Variants in RAB38 observed in about 807,000 individuals in gnomAD.
RAB38 encodes RAB38, member RAS oncogene family.
RAB38 carries 15 observed loss-of-function variants against 18.4 expected under a neutral mutation model. The observed-to-expected ratio is 0.82, with a 90% confidence interval of 0.55 to 1.26. The LOEUF is 1.26. Among genes scored for constraint, RAB38 ranks in the 50% most tolerant of loss-of-function variants. RAB38 has a pLI of 0.00. For missense variants in RAB38, 294 were observed against 267.4 expected, an observed-to-expected ratio of 1.10 and a Z score of -0.69; for synonymous variants, 101 against 104.4, an observed-to-expected ratio of 0.97 and a Z score of 0.20.
chr11:88,052,950 T>C, the RAB38 span, among the ~76,000 whole-genome samples: 4 of 115,960 alleles, frequency 3.4e-5, no homozygotes, highest in South Asian at 9.8e-4. Context: ...ATATAAATTA[T>C]ATATATGATA....
the RAB38 span, among the ~76,000 whole-genome samples, chr11:88,008,353 G>A: frequency 6.6e-6 from 1 of 151,888 alleles, no homozygotes; most frequent in Non-Finnish European, 1.5e-5. Context: ...TTCCGAGAGG[G>A]GAACAAAAAA....
the RAB38 span, among the ~76,000 whole-genome samples, chr11:87,938,618 C>T: frequency 5.7e-5 from 4 of 69,712 alleles, no homozygotes; most frequent in African/African-American, 2.5e-4. Context: ...TGCTCTTTTC[C>T]GTTTTTTTTT....
chr11:87,951,185 T>C, the RAB38 span, among the ~76,000 whole-genome samples: 1 of 152,190 alleles, frequency 6.6e-6, no homozygotes, highest in African/African-American at 2.4e-5. Flanking sequence ...CATCGGCTCC[T>C]GAGGCTTCTG....
chr11:88,065,655 C>T, the RAB38 span, among the ~76,000 whole-genome samples: 2 of 152,156 alleles, frequency 1.3e-5, no homozygotes, highest in Non-Finnish European at 2.9e-5. Flanking sequence ...AATCAATTAA[C>T]CCAGCTAACA....
At chr11:87,922,889 T>G in the RAB38 span, among the ~76,000 whole-genome samples, 15 of 120,550 alleles carry the variant, frequency 1.2e-4, no homozygotes, top group African/African-American at 3.5e-4. Context: ...GGATGGGAGA[T>G]GGAAGGGGGA....
rs373675971 is a variant in RAB38 at position 88,175,299 on chromosome 11, T to C, written c.86A>G (p.Tyr29Cys). 9 of 1,614,088 alleles carry C rather than the reference T, an allele frequency of 5.6e-6. No homozygotes were observed. The highest frequency in any genetic ancestry group is 1.3e-5 in the African/African-American group (1 of 74,944). The change falls in exon 1 of 3, where the codon TAC (tyrosine) becomes TGC (cysteine). Residue 29 changes from tyrosine (Y) to cysteine (C), a missense_variant. Coordinates refer to ENST00000243662, the MANE Select transcript of RAB38 (RefSeq NM_022337.3). The part of the protein sequence containing the change: ...GVGKTSIIKR[Y>C]VHQNFSSHYR... ...GTGCGAAGAGAAGTTCTGGTGCACGTAGCGCTTGATGATACTGGTCTTCCC... is the reference window on the plus strand; with the variant it reads ...GTGCGAAGAGAAGTTCTGGTGCACGCAGCGCTTGATGATACTGGTCTTCCC...
At chr11:88,054,373 CAT>C in the RAB38 span, among the ~76,000 whole-genome samples, 1 of 152,138 alleles carries the variant, frequency 6.6e-6, no homozygotes, top group Admixed American at 6.5e-5. Flanking sequence ...AAAAATAAAA[CAT>C]GTAATACTTC....
At chr11:87,805,400 T>C in the RAB38 span, among the ~76,000 whole-genome samples, 5 of 130,710 alleles carry the variant, frequency 3.8e-5, no homozygotes, top group Admixed American at 7.4e-5. Flanking sequence ...ATCTATGTCA[T>C]TTTTTTTCCT....
chr11:88,044,918 C>T, the RAB38 span, among the ~76,000 whole-genome samples: 15,813 of 152,136 alleles, frequency 0.1, 895 homozygotes, highest in African/African-American at 0.15. Context: ...CTCCTCACAC[C>T]CGGTCTGGCT....
chr11:88,042,276 G>A, the RAB38 span, among the ~76,000 whole-genome samples: 1 of 152,146 alleles, frequency 6.6e-6, no homozygotes, highest in African/African-American at 2.4e-5. Context: ...CCTCTCATTT[G>A]CTAAATCGGG....
the RAB38 span, chr11:87,816,547 G>A: frequency 1.3e-5 from 2 of 152,002 alleles, no homozygotes; most frequent in Admixed American, 1.3e-4. Context: ...AATATGATCA[G>A]GTGGTAATAT....
At chr11:88,049,967 TCTGCC>T in the RAB38 span, 2 of 152,194 alleles carry the variant, frequency 1.3e-5, no homozygotes, top group Non-Finnish European at 2.9e-5. Flanking sequence ...TTAAATACAT[TCTGCC>T]CTGCGTTTTA....
chr11:87,977,663 C>G, the RAB38 span, among the ~76,000 whole-genome samples: 1 of 114,340 alleles, frequency 8.7e-6, no homozygotes, highest in South Asian at 2.6e-4. Flanking sequence ...CAGTATATAA[C>G]TATATATTAT....
At chr11:87,832,615 C>T in the RAB38 span, among the ~76,000 whole-genome samples, 2 of 152,142 alleles carry the variant, frequency 1.3e-5, no homozygotes, top group African/African-American at 2.4e-5. Flanking sequence ...GCACCCAGGC[C>T]CCTATATCTC....
At position 88,113,589 on chromosome 11, in the gene RAB38, C is replaced by T. The variant is rs9144; in HGVS notation, c.*399G>A. On this transcript the variant is annotated 3_prime_UTR_variant, in exon 3 of 3. Coordinates refer to ENST00000243662, the MANE Select transcript of RAB38 (RefSeq NM_022337.3). ...GCCTGTCAGGCCATCAGAGAATATA[C>T]TGAAATCTGGAAAAAGACACCAGGG... 119,796 of 179,432 alleles carry T rather than the reference C, an allele frequency of 0.67. 41,205 individuals are homozygous for T. Among genetic ancestry groups the T allele is most frequent in the African/African-American group, 0.85 (35,949 of 42,378 alleles). 11.1% of individuals were successfully genotyped at this position (179,432 alleles called of 1,614,324 possible).
the RAB38 span, among the ~76,000 whole-genome samples, chr11:87,963,725 C>A: frequency 6.6e-6 from 1 of 151,336 alleles, no homozygotes; most frequent in Non-Finnish European, 1.5e-5. Flanking sequence ...CGGCTCCCTG[C>A]AACTTCTGCC....
Position 88,149,778 on chromosome 11 carries a change from T to C in RAB38, c.380A>G (p.Asn127Ser). ...GKPVSVVLLANKCDQGKDVLM... is the reference protein window; with the variant it reads ...GKPVSVVLLASKCDQGKDVLM... ...CACATCCTTCCCCTGGTCACATTTG[T>C]TGGCCAACAAAACCACTGAAACCGG... Residue 127 changes from asparagine (N) to serine (S), a missense_variant, in exon 2 of 3, where the codon AAC becomes AGC. Transcript: ENST00000243662. The C allele has an allele frequency of 6.2e-7, 1 of 1,614,214 alleles. No individual in the cohort carries two copies. Among genetic ancestry groups the C allele is most frequent in the Non-Finnish European group, 8.5e-7 (1 of 1,180,038 alleles).
chr11:87,918,456 A>G, the RAB38 span, among the ~76,000 whole-genome samples: 10 of 152,120 alleles, frequency 6.6e-5, no homozygotes, highest in African/African-American at 2.4e-4. Context: ...GGAACTTCCA[A>G]ACTGTTTCCC....
the RAB38 span, among the ~76,000 whole-genome samples, chr11:87,900,832 G>A: frequency 3.3e-5 from 5 of 151,504 alleles, no homozygotes; most frequent in South Asian, 1.0e-3. Context: ...AGAAATGAAG[G>A]AAGGAAAGGA....
Sources: allele counts gnomAD v4.1 joint callset (sites outside exome capture counted in the v4.1 genomes callset), GRCh38; gene constraint gnomAD v4.1.1; transcripts MANE v1.5; gene names NCBI Gene and HGNC (gene_info 2026-07-23, HGNC 2026-07-21).